TENM3: variants seen among roughly 807,000 people sequenced by gnomAD.
The protein encoded by TENM3 is teneurin transmembrane protein 3, also known as teneurin-3.
In TENM3, 63 loss-of-function variants were observed where a neutral mutation model predicts 255.1. The ratio of observed to expected loss-of-function variants is 0.25; its 90% CI spans 0.20 to 0.30. The LOEUF (loss-of-function observed/expected upper bound fraction) is 0.30, where lower values mean the gene tolerates loss of function less well. Among genes scored for constraint, TENM3 ranks in the 10% least tolerant of loss-of-function variants. The pLI is 1.00. For synonymous variants in TENM3, 1,306 were observed against 1,322.3 expected (o/e 0.99, Z 0.27); for missense variants, 2,929 against 3,461.1 (o/e 0.85, Z 3.86).
At chr4:181,704,096 A>G in the TENM3 span, among the ~76,000 whole-genome samples, 2 of 152,132 alleles carry the variant, frequency 1.3e-5, no homozygotes, top group East Asian at 1.9e-4. Context: ...CAACAACCCA[A>G]ATAACATCAA....
intron 13 of TENM3, among the ~76,000 whole-genome samples, chr4:182,714,471 A>G (rs1449942747): frequency 2.0e-5 from 3 of 152,230 alleles, no homozygotes; most frequent in South Asian, 2.1e-4. Flanking sequence ...AAGCTACTGC[A>G]TAATGTCCAT....
At chr4:182,691,203 T>A (rs1341137717) in intron 12 of TENM3, among the ~76,000 whole-genome samples, 2 of 152,254 alleles carry the variant, frequency 1.3e-5, no homozygotes, top group Non-Finnish European at 2.9e-5. Flanking sequence ...GTTTTCTCAC[T>A]TGGGATGGTT....
chr4:182,389,854 T>G (rs1392859206), intron 3 of TENM3, among the ~76,000 whole-genome samples: 3 of 151,920 alleles, frequency 2.0e-5, no homozygotes, highest in Non-Finnish European at 4.4e-5. Flanking sequence ...CCCGGCTAAT[T>G]TTTTGTATTT....
chr4:182,221,523 C>T (rs1755850966), intron 1 of TENM3, among the ~76,000 whole-genome samples: 1 of 152,166 alleles, frequency 6.6e-6, no homozygotes, highest in Non-Finnish European at 1.5e-5. Flanking sequence ...TGCTGGCAGC[C>T]TAACACTTGA....
At chr4:181,577,774 T>G in the TENM3 span, among the ~76,000 whole-genome samples, 24 of 147,406 alleles carry the variant, frequency 1.6e-4, no homozygotes, top group South Asian at 5.2e-3. Context: ...ACATGAGAGT[T>G]CTTTCTTTCT....
rs1209987936 is a variant in TENM3, at chr4:182,681,974, C to T, written c.1995C>T (p.Cys665=). 6 of 1,613,936 alleles carry T rather than the reference C, an allele frequency of 3.7e-6. No homozygotes were observed. Among genetic ancestry groups the T allele is most frequent in the Non-Finnish European group, 5.1e-6 (6 of 1,179,878 alleles). ...HGTYLQESGS[C]TCDPNWTGPD... is the part of the protein sequence containing the mutation. ...CGTATCTTCAAGAAAGTGGCTCCTGCACGTGTGACCCTAACTGGACTGGCC... is the reference window on the plus strand; with the variant it reads ...CGTATCTTCAAGAAAGTGGCTCCTGTACGTGTGACCCTAACTGGACTGGCC... The change falls in exon 11 of 28, where the codon TGC becomes TGT. Residue 665 remains cysteine (C), a synonymous_variant. Transcript: ENST00000511685.
the TENM3 span, among the ~76,000 whole-genome samples, chr4:181,576,783 G>A: frequency 4.7e-5 from 7 of 148,946 alleles, no homozygotes; most frequent in South Asian, 2.1e-4. Flanking sequence ...TTTCCTTTCC[G>A]GATTTTTCTT....
chr4:181,864,770 C>A, the TENM3 span, among the ~76,000 whole-genome samples: 2 of 152,286 alleles, frequency 1.3e-5, no homozygotes, highest in East Asian at 3.9e-4. Flanking sequence ...CGATGCCCAG[C>A]AATTCCTTAA....
rs539140295 is a variant in TENM3 at position 182,278,095 on chromosome 4, G to A, written c.-76+34619G>A. 1.8e-4 allele frequency among the ~76,000 whole-genome samples: 28 copies of A among 152,288 alleles called. 1 individual carries two copies. The South Asian group carries it at 5.4e-3, about 29-fold the overall frequency. On this transcript the variant is annotated intron_variant, in intron 1 of 27. Transcript: ENST00000511685. ...AACAAACGTACTAGCAGCCAGGCAC[G>A]GTGGCTCACGCCTGTAATCCCAGCA...
chr4:182,140,000 A>G (rs2149530731), upstream of TENM3, among the ~76,000 whole-genome samples: 1 of 152,376 alleles, frequency 6.6e-6, no homozygotes, highest in South Asian at 2.1e-4. Flanking sequence ...CTCTACAAAC[A>G]GTCATTGAAT....
At chr4:181,889,599 A>G in the TENM3 span, among the ~76,000 whole-genome samples, 3 of 152,310 alleles carry the variant, frequency 2.0e-5, no homozygotes, top group East Asian at 5.8e-4. Flanking sequence ...GGTGTGAACA[A>G]TTTACTTGAA....
At chr4:181,918,559 C>G in the TENM3 span, among the ~76,000 whole-genome samples, 4 of 152,098 alleles carry the variant, frequency 2.6e-5, no homozygotes, top group Non-Finnish European at 5.9e-5. Flanking sequence ...TTATTATTTT[C>G]ATTTATTCCC....
intron 3 of TENM3, among the ~76,000 whole-genome samples, chr4:182,452,896 A>C (rs868236617): frequency 1.3e-5 from 2 of 152,168 alleles, no homozygotes; most frequent in Non-Finnish European, 2.9e-5. Context: ...TCATTTTTGC[A>C]TAAGGCCTTT....
chr4:182,737,072 G>A lies in TENM3; in HGVS notation c.3232G>A (p.Val1078Ile), dbSNP rs1172965074. The change falls in exon 17 of 28, where the codon GTT becomes ATT. Residue 1078 changes from valine to isoleucine, a missense_variant. Val to Ile is a conservative substitution (Grantham distance 29). Coordinates refer to ENST00000511685, the MANE Select transcript of TENM3 (RefSeq NM_001080477.4). ...GAAAGTCTATGGTCTATCTGAAGCT[G>A]TTGGTAAGTTCCATATAAATCTTTG... ...NQKVYGLSEA[V>I]VSVGYEYESC... is the part of the protein sequence containing the mutation. 3.1e-6 allele frequency: 5 copies of A among 1,611,704 alleles called. No individual in the cohort carries two copies. In the East Asian group the frequency reaches 1.1e-4, roughly 36 times the overall value.
chr4:182,709,745 G>C (rs1171874718), intron 12 of TENM3, among the ~76,000 whole-genome samples: 1 of 151,936 alleles, frequency 6.6e-6, no homozygotes, highest in Non-Finnish European at 1.5e-5. Flanking sequence ...TTTGCTCTTA[G>C]TTTTAAGCTC....
chr4:182,457,144 CA>C (rs541799195), intron 3 of TENM3, among the ~76,000 whole-genome samples: 24 of 148,846 alleles, frequency 1.6e-4, no homozygotes, highest in Middle Eastern at 3.4e-3. Context: ...GAGATTGTGC[CA>C]CTGCACTCCA....
At chr4:181,534,016 T>C in the TENM3 span, among the ~76,000 whole-genome samples, 1 of 152,332 alleles carries the variant, frequency 6.6e-6, no homozygotes, top group Non-Finnish European at 1.5e-5. Flanking sequence ...CATTCTGAGA[T>C]TCACACAAAG....
At chr4:181,998,774 A>T in the TENM3 span, among the ~76,000 whole-genome samples, 1 of 152,146 alleles carries the variant, frequency 6.6e-6, no homozygotes, top group Admixed American at 6.6e-5. Flanking sequence ...TTCCTTCCTT[A>T]TTATGACAAA....
At chr4:182,327,262 C>T (rs1763471733) in intron 2 of TENM3, among the ~76,000 whole-genome samples, 1 of 152,122 alleles carries the variant, frequency 6.6e-6, no homozygotes, top group African/African-American at 2.4e-5. Flanking sequence ...TAAAAATATT[C>T]ATAGTAGCCA....
Sources: gnomAD v4.1 joint callset for allele counts (sites outside exome capture counted in the v4.1 genomes callset) on GRCh38, gnomAD v4.1.1 for gene constraint, MANE v1.5 for transcripts, NCBI Gene and HGNC (gene_info 2026-07-23, HGNC 2026-07-21) for gene names.